BCAS1: variants seen among roughly 807,000 people sequenced by gnomAD.
The protein encoded by BCAS1 is brain enriched myelin associated protein 1.
A neutral mutation model predicts 65.4 loss-of-function variants in BCAS1; 46 were observed. The observed-to-expected ratio is 0.70, with a 90% confidence interval of 0.55 to 0.90. The LOEUF is 0.90. Among genes scored for constraint, BCAS1 ranks in the 40% least tolerant of loss-of-function variants. The pLI is 0.00. For missense variants in BCAS1, 793 were observed against 771.2 expected (o/e 1.03, Z -0.33); for synonymous variants, 298 against 293.5 (o/e 1.02, Z -0.16).
At chr20:54,018,482 G>A (rs1303879642) in intron 4 of BCAS1, among the ~76,000 whole-genome samples, 11 of 149,958 alleles carry the variant, frequency 7.3e-5, no homozygotes, top group African/African-American at 1.7e-4. Context: ...GACTACAGGC[G>A]CCCGCCACCA....
At chr20:53,969,334 A>C (rs2145648456) in intron 9 of BCAS1, among the ~76,000 whole-genome samples, 1 of 152,286 alleles carries the variant, frequency 6.6e-6, no homozygotes, top group South Asian at 2.1e-4. Context: ...AATTATCTGG[A>C]TTAGGCACCA....
intron 4 of BCAS1, among the ~76,000 whole-genome samples, chr20:53,999,540 C>T (rs1333834557): frequency 6.6e-6 from 1 of 152,104 alleles, no homozygotes; most frequent in African/African-American, 2.4e-5. Flanking sequence ...CCATTCCATT[C>T]TCATTGCTTT....
At chr20:54,053,796 C>G (rs1315886031) in intron 3 of BCAS1, among the ~76,000 whole-genome samples, 1 of 152,178 alleles carries the variant, frequency 6.6e-6, no homozygotes, top group Non-Finnish European at 1.5e-5. Flanking sequence ...ATATTGGAGC[C>G]ATGATTCAAT....
Position 54,003,120 on chromosome 20 carries a change from C to T in BCAS1, c.724-7070G>A, listed in dbSNP as rs149771482. ...CATGGAACACAAGATTAATAATAAA[C>T]CTTGCCTGGTATAATTCGTTGTGAG... On this transcript the variant is annotated intron_variant, in intron 4 of 12. Transcript: ENST00000688948. 3.6e-3 allele frequency among the ~76,000 whole-genome samples: 552 copies of T among 151,450 alleles called. 5 individuals carry two copies. Among genetic ancestry groups the T allele is most frequent in the African/African-American group, 0.013 (527 of 41,258 alleles).
chr20:53,967,919 T>A (rs182031800), intron 9 of BCAS1, among the ~76,000 whole-genome samples: 22 of 152,372 alleles, frequency 1.4e-4, no homozygotes, highest in Admixed American at 7.2e-4. Context: ...AGAGGTTTTT[T>A]AATTTCCTTT....
chr20:54,045,210 C>CAAAA (rs11086447), intron 3 of BCAS1, among the ~76,000 whole-genome samples: 2 of 136,114 alleles, frequency 1.5e-5, no homozygotes, highest in African/African-American at 2.7e-5. Flanking sequence ...GACCTCATCT[C>CAAAA]AAAAAAAAAA....
chr20:53,953,317 T>C, intron 12 of BCAS1, 115 bp downstream of exon 12: 1 of 1,319,750 alleles, frequency 7.6e-7, no homozygotes, highest in Non-Finnish European at 1.0e-6. Flanking sequence ...CCCTGAGTGA[T>C]AGACCCGGGA....
chr20:53,967,850 C>A (rs1046778280), intron 9 of BCAS1, among the ~76,000 whole-genome samples: 1 of 152,204 alleles, frequency 6.6e-6, no homozygotes, highest in Non-Finnish European at 1.5e-5. Flanking sequence ...CCAGTCACAT[C>A]TGGGACAGTT....
intron 4 of BCAS1, among the ~76,000 whole-genome samples, chr20:54,026,616 C>G (rs208384): frequency 0.79 from 120,765 of 152,244 alleles, 48,876 homozygotes; most frequent in African/African-American, 0.94. Flanking sequence ...CCAAGCAAAA[C>G]AAACACATGA....
At chr20:53,968,159 G>C (rs1324035870) in intron 9 of BCAS1, among the ~76,000 whole-genome samples, 3 of 152,206 alleles carry the variant, frequency 2.0e-5, no homozygotes, top group African/African-American at 7.2e-5. Flanking sequence ...ACGCCTGATG[G>C]ATTTTACGCA....
At chr20:54,049,911 T>A (rs2092180693) in intron 3 of BCAS1, among the ~76,000 whole-genome samples, 2 of 152,236 alleles carry the variant, frequency 1.3e-5, no homozygotes, top group South Asian at 4.1e-4. Context: ...TAGAGTCCAA[T>A]GCTTGAGAGG....
chr20:54,066,536 G>A (rs2107328), intron 1 of BCAS1, among the ~76,000 whole-genome samples: 20,915 of 152,232 alleles, frequency 0.14, 1,918 homozygotes, highest in East Asian at 0.31. Flanking sequence ...ATTTGGAAAT[G>A]TGGCCTCTAA....
At chr20:54,058,612 T>TC in intron 2 of BCAS1, 35 bp downstream of exon 2, 1 of 1,539,834 alleles carries the variant, frequency 6.5e-7, no homozygotes, top group Non-Finnish European at 8.6e-7. Context: ...TTTTTTTTTT[T>TC]TCTGCTGATG....
chr20:54,001,828 C>T (rs67617961), intron 4 of BCAS1, among the ~76,000 whole-genome samples: 22,616 of 152,166 alleles, frequency 0.15, 1,886 homozygotes, highest in East Asian at 0.27. Context: ...TAAATTGGCT[C>T]TGTCTGGGCA....
At chr20:53,979,719 A>G (rs1344265178) in intron 8 of BCAS1, among the ~76,000 whole-genome samples, 1 of 152,190 alleles carries the variant, frequency 6.6e-6, no homozygotes, top group Admixed American at 6.5e-5. Flanking sequence ...GGATTCCTAG[A>G]ACTATCTGGA....
At chr20:53,950,148 G>C (rs1427795663) in intron 12 of BCAS1, among the ~76,000 whole-genome samples, 1 of 50,884 alleles carries the variant, frequency 2.0e-5, no homozygotes, top group East Asian at 2.9e-3. Context: ...TGCACAGCCC[G>C]TACAGCCTGC....
intron 4 of BCAS1, among the ~76,000 whole-genome samples, chr20:54,013,442 A>G (rs1161454840): frequency 6.6e-6 from 1 of 152,260 alleles, no homozygotes; most frequent in Non-Finnish European, 1.5e-5. Context: ...AAAAACATTC[A>G]TTGGCCAAGC....
rs193131253 is a variant in BCAS1 at position 54,051,232 on chromosome 20, A to G, written c.142+6853T>C. Reference sequence around the variant, plus strand: ...GGGACTAAATGTTCTGTCCTTTCTAACTGCCTGATCTCTGAGCCATGGGAG... The same window carrying G: ...GGGACTAAATGTTCTGTCCTTTCTAGCTGCCTGATCTCTGAGCCATGGGAG... On this transcript the variant is annotated intron_variant, in intron 3 of 12. Coordinates refer to ENST00000688948, the MANE Select transcript of BCAS1 (RefSeq NM_001366298.2). 5.3e-5 allele frequency among the ~76,000 whole-genome samples: 8 copies of G among 152,240 alleles called. No homozygotes were observed. In the East Asian group the frequency reaches 1.3e-3, roughly 26 times the overall value.
chr20:54,047,000 G>T (rs951515076), intron 3 of BCAS1, among the ~76,000 whole-genome samples: 3 of 152,168 alleles, frequency 2.0e-5, no homozygotes, highest in African/African-American at 7.2e-5. Context: ...TCTGGCTATG[G>T]GCTGGTTCCT....
Sources: allele counts gnomAD v4.1 joint callset (sites outside exome capture counted in the v4.1 genomes callset), GRCh38; gene constraint gnomAD v4.1.1; transcripts MANE v1.5; gene names NCBI Gene and HGNC (gene_info 2026-07-23, HGNC 2026-07-21).